The following NUDT19 variants were observed in gnomAD, a reference collection of about 807,000 sequenced individuals.
NUDT19 encodes acyl-coenzyme A diphosphatase NUDT19.
NUDT19 carries 31 observed loss-of-function variants against 22.2 expected under a neutral mutation model. That is an observed-to-expected ratio of 1.40 (90% CI 1.05 to 1.89). The LOEUF (loss-of-function observed/expected upper bound fraction) is 1.89, where lower values mean the gene tolerates loss of function less well. NUDT19 is among the 40% of genes most tolerant of loss of function. The pLI is 0.00. For missense variants in NUDT19, 752 were observed against 514.2 expected (o/e 1.46, Z -4.47); for synonymous variants, 325 against 230.8 (o/e 1.41, Z -3.70).
intron 2 of NUDT19, 140 bp downstream of exon 2, chr19:32,709,532 G>A (rs879792018): frequency 7.6e-6 from 5 of 659,922 alleles, no homozygotes; most frequent in Non-Finnish European, 1.0e-5. Context: ...TAAGATCAAA[G>A]CCTATAAAAT....
chr19:32,693,802 A>G (rs1968233085), intron 1 of NUDT19, among the ~76,000 whole-genome samples: 1 of 152,184 alleles, frequency 6.6e-6, no homozygotes, highest in South Asian at 2.1e-4. Context: ...GCTAGACAGA[A>G]AAGTTCTCCA....
At chr19:32,711,368 C>T (rs139794744) in intron 2 of NUDT19, among the ~76,000 whole-genome samples, 1,662 of 152,172 alleles carry the variant, frequency 0.011, 39 homozygotes, top group African/African-American at 0.038. Flanking sequence ...GAGGCTGAGG[C>T]ATGAGAATTG....
chr19:32,698,129 T>A (rs1968287032), intron 1 of NUDT19, among the ~76,000 whole-genome samples: 1 of 152,146 alleles, frequency 6.6e-6, no homozygotes, highest in East Asian at 1.9e-4. Context: ...CATACTTGGG[T>A]ATTCTCCTTC....
intron 1 of NUDT19, among the ~76,000 whole-genome samples, chr19:32,697,391 A>T (rs1262447491): frequency 6.6e-6 from 1 of 152,196 alleles, no homozygotes; most frequent in Non-Finnish European, 1.5e-5. Context: ...GTCGGGTGAC[A>T]GGGGAGTGTA....
chr19:32,698,180 T>G (rs1414537067), intron 1 of NUDT19, among the ~76,000 whole-genome samples: 2 of 152,248 alleles, frequency 1.3e-5, no homozygotes, highest in African/African-American at 4.8e-5. Context: ...TCACTCCATT[T>G]GCCTTCCCTC....
At chr19:32,693,930 C>G (rs1046168198) in intron 1 of NUDT19, among the ~76,000 whole-genome samples, 4 of 152,188 alleles carry the variant, frequency 2.6e-5, no homozygotes, top group African/African-American at 9.7e-5. Context: ...TCCTGCTGGA[C>G]AGGGGCAAAG....
chr19:32,706,887 C>T (rs1465915196), intron 1 of NUDT19, among the ~76,000 whole-genome samples: 2 of 152,128 alleles, frequency 1.3e-5, no homozygotes, highest in Admixed American at 1.3e-4. Context: ...CCAAATTCTG[C>T]TGTATGGGCT....
chr19:32,699,349 C>T (rs542435894), intron 1 of NUDT19, among the ~76,000 whole-genome samples: 2 of 152,184 alleles, frequency 1.3e-5, no homozygotes, highest in East Asian at 1.9e-4. Flanking sequence ...GGGTGAGTCT[C>T]GCCTGTGCGA....
At chr19:32,699,909 G>A (rs1968314359) in intron 1 of NUDT19, among the ~76,000 whole-genome samples, 1 of 152,182 alleles carries the variant, frequency 6.6e-6, no homozygotes, top group African/African-American at 2.4e-5. Context: ...CTTTAGGAGT[G>A]AAGCCACAGA....
chr19:32,703,920 C>T (rs2145364486), intron 1 of NUDT19, among the ~76,000 whole-genome samples: 1 of 152,182 alleles, frequency 6.6e-6, no homozygotes, highest in East Asian at 1.9e-4. Context: ...AGCTGGGCCT[C>T]CCAAAGTGCT....
At chr19:32,692,809 G>A (rs1027750661) in intron 1 of NUDT19, 135 bp downstream of exon 1, 2 of 608,308 alleles carry the variant, frequency 3.3e-6, no homozygotes, top group South Asian at 2.9e-5. Flanking sequence ...CGCTTAGACG[G>A]GCTGGAAACT....
chr19:32,701,643 T>A (rs988741467), intron 1 of NUDT19, among the ~76,000 whole-genome samples: 1 of 152,252 alleles, frequency 6.6e-6, no homozygotes, highest in African/African-American at 2.4e-5. Flanking sequence ...AGCTCCCATG[T>A]AAGGTACTGA....
In NUDT19 at chr19:32,691,930, C is replaced by T. The variant is rs1041184605; in HGVS notation, c.-31C>T. 5 of 1,190,392 alleles carry T rather than the reference C, an allele frequency of 4.2e-6. No individual in the cohort carries two copies. The highest frequency in any genetic ancestry group is 2.1e-6 in the Non-Finnish European group (2 of 954,730). The allele number at this position is 1,190,392 out of a possible 1,614,324, so 73.7% of individuals were successfully genotyped here. A position where few individuals can be genotyped will look rare whatever the true frequency, so the allele number is the denominator to read the frequency against. On this transcript the variant is annotated 5_prime_UTR_variant, in exon 1 of 3. Transcript: ENST00000397061. Reference sequence around the variant, plus strand: ...GCCACCTGCCGTGGAGCTCAGGCCGCGCCAGAATCGGATCCGGGAAGCTGC... The same window carrying T: ...GCCACCTGCCGTGGAGCTCAGGCCGTGCCAGAATCGGATCCGGGAAGCTGC...
chr19:32,699,876 C>G (rs575600139), intron 1 of NUDT19, among the ~76,000 whole-genome samples: 1 of 152,072 alleles, frequency 6.6e-6, no homozygotes, highest in Admixed American at 6.5e-5. Context: ...GAGTTTCTTT[C>G]GTTGGGTTCG....
At chr19:32,706,960 C>T (rs963368801) in intron 1 of NUDT19, among the ~76,000 whole-genome samples, 1 of 152,172 alleles carries the variant, frequency 6.6e-6, no homozygotes, top group Non-Finnish European at 1.5e-5. Context: ...GTCTCTTGCT[C>T]CTTGGGTTGC....
intron 2 of NUDT19, 141 bp from the exon 3 acceptor site, chr19:32,711,611 T>G: frequency 1.6e-6 from 1 of 615,792 alleles, no homozygotes; most frequent in Non-Finnish European, 2.9e-6. Context: ...ATGAAATAGA[T>G]AAAAATACTG....
chr19:32,698,386 G>C (rs1215676203), intron 1 of NUDT19, among the ~76,000 whole-genome samples: 4 of 152,164 alleles, frequency 2.6e-5, no homozygotes, highest in Admixed American at 6.6e-5. Context: ...GTTGATGCCT[G>C]AGTGTTTCCC....
Position 32,711,888 on chromosome 19 carries a change from C to CGTGACT in NUDT19, c.1062_1067dup (p.Thr355_Val356dup). ...ACCATCGCCACCTTTATGATATCCA[C>CGTGACT]GTGACTGTTCAGCCAAAGTATAAAC... On this transcript the variant is annotated inframe_insertion, in exon 3 of 3. Transcript: ENST00000397061. The CGTGACT allele has an allele frequency of 6.2e-7, 1 of 1,613,892 alleles. No individual in the cohort carries two copies. The highest frequency in any genetic ancestry group is 8.5e-7 in the Non-Finnish European group (1 of 1,179,852).
intron 1 of NUDT19, among the ~76,000 whole-genome samples, chr19:32,701,317 T>G (rs1968333860): frequency 6.7e-6 from 1 of 149,496 alleles, no homozygotes; most frequent in South Asian, 2.2e-4. Flanking sequence ...GCGATTCTCC[T>G]TCCTCAGTCT....
Sources: allele counts gnomAD v4.1 joint callset (sites outside exome capture counted in the v4.1 genomes callset), GRCh38; gene constraint gnomAD v4.1.1; transcripts MANE v1.5; gene names NCBI Gene and HGNC (gene_info 2026-07-23, HGNC 2026-07-21).